The following CAPRIN1 variants were observed in gnomAD, a reference collection of about 807,000 sequenced individuals.
CAPRIN1 encodes caprin-1.
CAPRIN1 carries 29 observed loss-of-function variants against 100.9 expected under a neutral mutation model. The observed-to-expected ratio is 0.29, with a 90% confidence interval of 0.21 to 0.39. CAPRIN1 has a LOEUF of 0.39. Ranked by LOEUF, CAPRIN1 falls within the 10% of genes least tolerant of loss-of-function variation. The pLI, the probability that CAPRIN1 is intolerant of heterozygous loss-of-function variation, is 1.00. For synonymous variants in CAPRIN1, 338 were observed against 307.5 expected (o/e 1.10, Z -1.04); for missense variants, 795 against 876.7 (o/e 0.91, Z 1.18).
chr11:34,057,445 C>G (rs1290574771), intron 2 of CAPRIN1, among the ~76,000 whole-genome samples: 1 of 152,222 alleles, frequency 6.6e-6, no homozygotes, highest in Non-Finnish European at 1.5e-5. Flanking sequence ...TTAGTGTACT[C>G]TAGGATACTA....
chr11:34,086,778 A>G (rs1437331743), intron 11 of CAPRIN1, among the ~76,000 whole-genome samples: 3 of 152,118 alleles, frequency 2.0e-5, no homozygotes, highest in East Asian at 3.9e-4. Context: ...GATAGCAACC[A>G]CTTCCGTACT....
intron 15 of CAPRIN1, 197 bp from the exon 16 acceptor site, chr11:34,096,282 C>T (rs941265140): frequency 2.2e-6 from 1 of 448,308 alleles, no homozygotes; most frequent in Admixed American, 4.1e-5. Context: ...GAGAATTTTA[C>T]CCCCAATAGC....
chr11:34,095,907 T>C (rs1202331784), intron 15 of CAPRIN1: 2 of 152,256 alleles, frequency 1.3e-5, no homozygotes, highest in Admixed American at 6.5e-5. Flanking sequence ...TTAAATACTT[T>C]GAAATGGAAT....
At chr11:34,090,315 C>T in intron 13 of CAPRIN1, 26 bp downstream of exon 13, 3 of 1,476,566 alleles carry the variant, frequency 2.0e-6, no homozygotes, top group Non-Finnish European at 2.8e-6. Flanking sequence ...GGGTCACATA[C>T]ATTTGATGAG....
At chr11:34,086,629 G>A (rs190800374) in intron 11 of CAPRIN1, among the ~76,000 whole-genome samples, 1 of 152,234 alleles carries the variant, frequency 6.6e-6, no homozygotes, top group East Asian at 1.9e-4. Flanking sequence ...TTGGCATGTA[G>A]ATATAGAAAA....
At chr11:34,083,293 A>G (rs187722034) in intron 9 of CAPRIN1, among the ~76,000 whole-genome samples, 2 of 152,208 alleles carry the variant, frequency 1.3e-5, no homozygotes, top group African/African-American at 4.8e-5. Context: ...ATCTGTTACC[A>G]TGATTTGTCT....
Position 34,081,623 on chromosome 11 carries a change from A to G in CAPRIN1, c.827-1202A>G, listed in dbSNP as rs371831226. On this transcript the variant is annotated intron_variant, in intron 7 of 18. Coordinates refer to ENST00000341394, the MANE Select transcript of CAPRIN1 (RefSeq NM_005898.5). ...ATTCTCCTGCTTTAGCCTCTCGAGT[A>G]GCTGGGATTACAGGTGCATGGCACC... 5.5e-4 allele frequency among the ~76,000 whole-genome samples: 84 copies of G among 152,014 alleles called. 1 individual carries two copies. The highest frequency in any genetic ancestry group is 1.9e-3 in the African/African-American group (79 of 41,420).
At chr11:34,058,435 C>A (rs1850502647) in intron 2 of CAPRIN1, among the ~76,000 whole-genome samples, 2 of 152,208 alleles carry the variant, frequency 1.3e-5, no homozygotes, top group Non-Finnish European at 1.5e-5. Flanking sequence ...CCACACCCGG[C>A]CTCTTAAATA....
intron 2 of CAPRIN1, chr11:34,063,156 G>T (rs1850616455): frequency 6.6e-6 from 1 of 152,178 alleles, no homozygotes; most frequent in Non-Finnish European, 1.5e-5. Flanking sequence ...AGTAACTTTG[G>T]TGGTGATGAA....
intron 2 of CAPRIN1, chr11:34,052,951 A>G: frequency 3.3e-6 from 4 of 1,201,942 alleles, no homozygotes; most frequent in Non-Finnish European, 4.2e-6. Flanking sequence ...GCCTGTCGTC[A>G]GGACTTCACT....
At chr11:34,060,588 T>TA (rs1455902939) in intron 2 of CAPRIN1, among the ~76,000 whole-genome samples, 14 of 152,226 alleles carry the variant, frequency 9.2e-5, no homozygotes, top group African/African-American at 2.9e-4. Context: ...CACTTTGAGT[T>TA]ACATTGAACT....
At position 34,076,406 on chromosome 11, in the gene CAPRIN1, C is replaced by T. The variant is rs773329151; in HGVS notation, c.537C>T (p.Ser179=). The change falls in exon 5 of 19, where the codon TCC becomes TCT. Residue 179 remains serine, a synonymous_variant. Coordinates refer to ENST00000341394, the MANE Select transcript of CAPRIN1 (RefSeq NM_005898.5). ...KQGLNGVPIL[S]EEELSLLDEF... is the part of the protein sequence containing the mutation. ...GTTTGAATGGAGTGCCAATATTGTC[C>T]GAAGAGGAGTTGTCATTGTTGGATG... The T allele has an allele frequency of 2.6e-5, 42 of 1,613,960 alleles. No individual in the cohort carries two copies. The highest frequency in any genetic ancestry group is 3.3e-5 in the Admixed American group (2 of 59,994).
At chr11:34,074,072 A>G (rs142598192) in intron 4 of CAPRIN1, among the ~76,000 whole-genome samples, 88 of 152,250 alleles carry the variant, frequency 5.8e-4, no homozygotes, top group African/African-American at 2.0e-3. Flanking sequence ...CACCCTCCCA[A>G]CACTATTGCG....
intron 18 of CAPRIN1, chr11:34,098,904 T>C: frequency 9.9e-7 from 1 of 1,007,800 alleles, no homozygotes; most frequent in Non-Finnish European, 1.2e-6. Flanking sequence ...AGTATGATGT[T>C]ACTTACTACT....
At chr11:34,088,981 T>A (rs998606663) in intron 11 of CAPRIN1, among the ~76,000 whole-genome samples, 2 of 152,062 alleles carry the variant, frequency 1.3e-5, no homozygotes, top group African/African-American at 4.8e-5. Context: ...GAAATTTACC[T>A]TTAATTGCTG....
intron 2 of CAPRIN1, among the ~76,000 whole-genome samples, chr11:34,062,620 G>A (rs370016758): frequency 0.04 from 2,430 of 60,364 alleles, 54 homozygotes; most frequent in African/African-American, 0.13. Flanking sequence ...GCAAAACTCC[G>A]TCTCAAAAAA....
intron 4 of CAPRIN1, among the ~76,000 whole-genome samples, chr11:34,073,542 G>A (rs917431080): frequency 2.6e-5 from 4 of 152,020 alleles, no homozygotes; most frequent in African/African-American, 9.7e-5. Context: ...TGCAACCTCC[G>A]CCTCCTGAGT....
chr11:34,060,307 T>G (rs570002196), intron 2 of CAPRIN1, among the ~76,000 whole-genome samples: 7 of 152,124 alleles, frequency 4.6e-5, no homozygotes, highest in Non-Finnish European at 8.8e-5. Flanking sequence ...ATTGGAAATT[T>G]CATTGCATTC....
At position 34,096,802 on chromosome 11, in the gene CAPRIN1, A is replaced by G. The variant is rs1590749332; in HGVS notation, c.1900+129A>G. On this transcript the variant is annotated intron_variant, in intron 16 of 18. Coordinates refer to ENST00000341394, the MANE Select transcript of CAPRIN1 (RefSeq NM_005898.5). ...TAGCCTCCTATGTGCAATTTAAACAATGTATATTTTGGTACAATTTGTGTA... is the reference window on the plus strand; with the variant it reads ...TAGCCTCCTATGTGCAATTTAAACAGTGTATATTTTGGTACAATTTGTGTA... 3.8e-5 allele frequency: 24 copies of G among 637,126 alleles called. 1 individual carries two copies. In the South Asian group the frequency reaches 5.2e-4, roughly 14 times the overall value. The allele number at this position is 637,126 out of a possible 1,614,324, so 39.5% of individuals were successfully genotyped here. A position where few individuals can be genotyped will look rare whatever the true frequency, so the allele number is the denominator to read the frequency against.
Sources: allele counts gnomAD v4.1 joint callset (sites outside exome capture counted in the v4.1 genomes callset), GRCh38; gene constraint gnomAD v4.1.1; transcripts MANE v1.5; gene names NCBI Gene and HGNC (gene_info 2026-07-23, HGNC 2026-07-21).